Variants in ADGRG6 observed in about 807,000 individuals in gnomAD.
ADGRG6 encodes adhesion G protein-coupled receptor G6.
ADGRG6 carries 84 observed loss-of-function variants against 142.4 expected under a neutral mutation model. The ratio of observed to expected loss-of-function variants is 0.59; its 90% confidence interval spans 0.49 to 0.71. The LOEUF (loss-of-function observed/expected upper bound fraction) is 0.71. Ranked by LOEUF, ADGRG6 falls within the 30% of genes least tolerant of loss-of-function variation. The pLI is 0.00. For missense variants in ADGRG6, 1,367 were observed against 1,466.6 expected (o/e 0.93, Z 1.11); for synonymous variants, 521 against 520.5 (o/e 1.00, Z -0.01).
At chr6:142,373,824 A>C (rs1459684870) in intron 4 of ADGRG6, among the ~76,000 whole-genome samples, 1 of 150,316 alleles carries the variant, frequency 6.7e-6, no homozygotes, top group African/African-American at 2.5e-5. Flanking sequence ...GATTACAGGC[A>C]TGAGGGATTG....
intron 4 of ADGRG6, among the ~76,000 whole-genome samples, chr6:142,379,565 A>C (rs1182702673): frequency 6.6e-6 from 1 of 152,156 alleles, no homozygotes; most frequent in Non-Finnish European, 1.5e-5. Context: ...CAGGAGATTG[A>C]GACCATCCTG....
rs892007926 is a variant in ADGRG6 at position 142,338,027 on chromosome 6, T to TTTTTTTTTTTTTTTTG, written c.103+28394_103+28395insTTTTGTTTTTTTTTTT. Among the ~76,000 whole-genome samples the TTTTTTTTTTTTTTTTG allele has an allele frequency of 3.8e-4, 22 of 58,016 alleles. 2 individuals carry two copies. Among genetic ancestry groups the TTTTTTTTTTTTTTTTG allele is most frequent in the East Asian group, 6.0e-4 (1 of 1,668 alleles). The allele number at this position is 58,016 out of a possible 152,430, so 38.1% of individuals were successfully genotyped here. ...ATGCCTTGTATCTTTGTTTTTTTTT[T>TTTTTTTTTTTTTTTTG]TTTTTTTTTTTGAGACGGAGTCTCG... On this transcript the variant is annotated intron_variant, in intron 2 of 24. Coordinates refer to ENST00000367609, the MANE Select transcript of ADGRG6 (RefSeq NM_198569.3).
intron 2 of ADGRG6, among the ~76,000 whole-genome samples, chr6:142,331,731 C>T (rs1274978993): frequency 2.6e-5 from 4 of 151,912 alleles, no homozygotes; most frequent in African/African-American, 9.7e-5. Flanking sequence ...TTTGTAAACG[C>T]TCTTTTTTTG....
intron 24 of ADGRG6, among the ~76,000 whole-genome samples, chr6:142,442,903 G>A (rs1777826261): frequency 6.6e-6 from 1 of 152,014 alleles, no homozygotes; most frequent in Non-Finnish European, 1.5e-5. Context: ...TTTATAGCCA[G>A]TTATACACCC....
At chr6:142,414,434 C>T (rs1175914570) in intron 18 of ADGRG6, among the ~76,000 whole-genome samples, 1 of 152,100 alleles carries the variant, frequency 6.6e-6, no homozygotes, top group Non-Finnish European at 1.5e-5. Flanking sequence ...TCATACATAC[C>T]AAGCATTGAA....
chr6:142,401,952 C>T (rs550173580), intron 11 of ADGRG6, 42 bp from the exon 12 acceptor site: 3 of 872,290 alleles, frequency 3.4e-6, no homozygotes, highest in African/African-American at 3.4e-5. Context: ...CAAAATAATA[C>T]CAGTTATATC....
chr6:142,433,382 T>C (rs567389550), intron 22 of ADGRG6, among the ~76,000 whole-genome samples: 4 of 152,140 alleles, frequency 2.6e-5, no homozygotes, highest in African/African-American at 9.6e-5. Flanking sequence ...TGGTACAAAG[T>C]GTATTTGCTT....
intron 12 of ADGRG6, among the ~76,000 whole-genome samples, chr6:142,402,305 A>G (rs1024417613): frequency 1.3e-5 from 2 of 152,172 alleles, no homozygotes; most frequent in East Asian, 1.9e-4. Flanking sequence ...TGATATTTGT[A>G]TCAATGTTTT....
chr6:142,413,043 A>G (rs1248097186), intron 18 of ADGRG6, among the ~76,000 whole-genome samples: 2 of 151,748 alleles, frequency 1.3e-5, no homozygotes, highest in Non-Finnish European at 2.9e-5. Flanking sequence ...ATATATATAT[A>G]TGTGAAGATA....
At chr6:142,436,631 A>T (rs1375804623) in intron 22 of ADGRG6, among the ~76,000 whole-genome samples, 2 of 152,164 alleles carry the variant, frequency 1.3e-5, no homozygotes. Flanking sequence ...GTTTGTTCTT[A>T]AAAAAAGTGT....
intron 2 of ADGRG6, among the ~76,000 whole-genome samples, chr6:142,354,798 AT>A (rs545411549): frequency 9.9e-5 from 15 of 152,198 alleles, no homozygotes; most frequent in Non-Finnish European, 8.8e-5. Context: ...TTTATTAAAA[AT>A]TTTTTTGGCT....
At chr6:142,441,088 G>A in intron 24 of ADGRG6, 3 of 548,396 alleles carry the variant, frequency 5.5e-6, no homozygotes, top group South Asian at 5.3e-5. Flanking sequence ...TGACATTCCT[G>A]CATTGAGCTG....
intron 7 of ADGRG6, among the ~76,000 whole-genome samples, chr6:142,392,655 C>G (rs1295319519): frequency 6.6e-6 from 1 of 151,904 alleles, no homozygotes; most frequent in Non-Finnish European, 1.5e-5. Flanking sequence ...TTGGGCAAAC[C>G]ATTTCTTATC....
At position 142,382,061 on chromosome 6, in the gene ADGRG6, A is replaced by G. The variant is rs370952391; in HGVS notation, c.1138+42A>G. ...GTGCTCTGGAATCTCTTTGCTTTCT[A>G]CTTGCAATTTTGGGTAATGTGGTTG... On this transcript the variant is annotated intron_variant, in intron 5 of 24. Coordinates refer to ENST00000367609, the MANE Select transcript of ADGRG6 (RefSeq NM_198569.3). 4.8e-6 allele frequency: 6 copies of G among 1,247,186 alleles called. No homozygotes were observed. The East Asian group carries it at 1.2e-4, about 25-fold the overall frequency. 77.3% of individuals were successfully genotyped at this position (1,247,186 alleles called of 1,614,324 possible).
intron 11 of ADGRG6, among the ~76,000 whole-genome samples, chr6:142,401,604 A>T (rs1012685065): frequency 2.0e-5 from 3 of 152,206 alleles, no homozygotes; most frequent in Admixed American, 1.3e-4. Context: ...TTATTAACTA[A>T]TCTTTTCAGT....
intron 1 of ADGRG6, among the ~76,000 whole-genome samples, chr6:142,305,327 C>CCTCG (rs1387942798): frequency 6.6e-6 from 1 of 151,728 alleles, no homozygotes; most frequent in Non-Finnish European, 1.5e-5. Context: ...AAAGAACACA[C>CCTCG]CTCTATACCT....
chr6:142,340,279 A>G (rs540589493), intron 2 of ADGRG6, among the ~76,000 whole-genome samples: 3 of 152,136 alleles, frequency 2.0e-5, no homozygotes, highest in Non-Finnish European at 2.9e-5. Context: ...ATAAATGTCC[A>G]TTTATAGCAA....
At chr6:142,352,517 A>G (rs1177289229) in intron 2 of ADGRG6, among the ~76,000 whole-genome samples, 1 of 152,066 alleles carries the variant, frequency 6.6e-6, no homozygotes, top group Admixed American at 6.6e-5. Flanking sequence ...CTTGGGTACT[A>G]TGCTCCGTAT....
At chr6:142,341,484 T>C (rs1779629226) in intron 2 of ADGRG6, among the ~76,000 whole-genome samples, 1 of 118,718 alleles carries the variant, frequency 8.4e-6, no homozygotes, top group African/African-American at 3.3e-5. Context: ...GTAGTATATA[T>C]ACTATATAAT....
Sources: allele counts gnomAD v4.1 joint callset (sites outside exome capture counted in the v4.1 genomes callset), GRCh38; gene constraint gnomAD v4.1.1; transcripts MANE v1.5; gene names NCBI Gene and HGNC (gene_info 2026-07-23, HGNC 2026-07-21).